SP100: variants seen among roughly 807,000 people sequenced by gnomAD.
SP100 encodes the protein SP100 nuclear body protein, also known as nuclear autoantigen Sp-100.
In SP100, 84 loss-of-function variants were observed where a neutral mutation model predicts 130.0. The observed-to-expected ratio is 0.65, with a 90% CI of 0.54 to 0.77. The LOEUF is 0.77. Ranked by LOEUF, SP100 falls within the 30% of genes least tolerant of loss-of-function variation. SP100 has a pLI of 0.00. For synonymous variants in SP100, 331 were observed against 351.7 expected, an observed-to-expected ratio of 0.94 and a Z score of 0.66; for missense variants, 978 against 1,052.2, an observed-to-expected ratio of 0.93 and a Z score of 0.97.
At chr2:230,541,149 C>G in intron 26 of SP100, 152 bp from the exon 27 acceptor site, 2 of 1,243,858 alleles carry the variant, frequency 1.6e-6, no homozygotes, top group Non-Finnish European at 2.3e-6. Flanking sequence ...AATTCATATT[C>G]CAAAGAAAAA....
intron 19 of SP100, among the ~76,000 whole-genome samples, chr2:230,501,994 G>A (rs919972459): frequency 1.9e-4 from 29 of 150,992 alleles, no homozygotes; most frequent in Non-Finnish European, 3.8e-4. Context: ...TCAGCCTCCC[G>A]AGTAGCTGGG....
Position 230,506,413 on chromosome 2 carries a change from T to C in SP100, c.1981T>C (p.Cys661Arg), listed in dbSNP as rs1690108619. The change falls in exon 22 of 29, where the codon TGC becomes CGC. Residue 661 changes from cysteine to arginine, a missense_variant. Coordinates refer to ENST00000340126, the MANE Select transcript of SP100 (RefSeq NM_001080391.2). ...CAAGAACTGGAAGCTAAGTATACGC[T>C]GCGGTGGATATACCCTGAAAGTCCT... ...ASKNWKLSIR[C>R]GGYTLKVLME... 3 of 1,613,964 alleles carry C rather than the reference T, an allele frequency of 1.9e-6. No individual in the cohort carries two copies. In the East Asian group the frequency reaches 6.7e-5, roughly 36 times the overall value.
intron 18 of SP100, 128 bp from the exon 19 acceptor site, chr2:230,498,333 G>A (rs879190180): frequency 6.7e-6 from 3 of 445,094 alleles, no homozygotes; most frequent in Non-Finnish European, 1.2e-5. Flanking sequence ...GCAAGGCTAT[G>A]TGTTACATAT....
intron 2 of SP100, among the ~76,000 whole-genome samples, chr2:230,432,816 A>AT (rs567613514): frequency 1.1e-4 from 16 of 152,112 alleles, no homozygotes; most frequent in Non-Finnish European, 1.9e-4. Context: ...TTTATGGTAT[A>AT]TTTGAGGCAC....
intron 10 of SP100, among the ~76,000 whole-genome samples, chr2:230,462,996 A>C (rs2064745943): frequency 6.6e-6 from 1 of 152,234 alleles, no homozygotes; most frequent in African/African-American, 2.4e-5. Flanking sequence ...ACCTGAGATA[A>C]AGTATTCTGA....
At chr2:230,432,986 A>G (rs904455038) in intron 2 of SP100, among the ~76,000 whole-genome samples, 4 of 152,020 alleles carry the variant, frequency 2.6e-5, no homozygotes, top group Admixed American at 2.0e-4. Context: ...CTACTGCATA[A>G]TTTGGGAAAC....
At position 230,541,410 on chromosome 2, in the gene SP100, T is replaced by C. The variant is rs143079335; in HGVS notation, c.2403+38T>C. 7.3e-4 allele frequency: 1,115 copies of C among 1,536,842 alleles called. 10 individuals are homozygous for C. In the African/African-American group the frequency reaches 0.014, roughly 19 times the overall value. On this transcript the variant is annotated intron_variant, in intron 27 of 28. Transcript: ENST00000340126. The stretch of plus-strand genomic sequence containing the variant: ...CAAACAAAAATGCTTATACTGGCAT[T>C]TGTCAAATCTGTGATCTGAATCCCA...
At chr2:230,508,324 T>TTC in intron 23 of SP100, 1 of 344,316 alleles carries the variant, frequency 2.9e-6, no homozygotes, top group Non-Finnish European at 5.1e-6. Flanking sequence ...TTTTTTTTTT[T>TTC]TTTTTTTAAG....
At chr2:230,517,343 T>G (rs113549749) in intron 24 of SP100, among the ~76,000 whole-genome samples, 16 of 152,358 alleles carry the variant, frequency 1.1e-4, no homozygotes, top group African/African-American at 3.6e-4. Context: ...ACCAGAGTTA[T>G]AATCAAAAGA....
intron 12 of SP100, 151 bp from the exon 13 acceptor site, chr2:230,466,969 C>A: frequency 1.7e-6 from 1 of 573,798 alleles, no homozygotes; most frequent in Non-Finnish European, 3.1e-6. Context: ...AATGAAAAGG[C>A]AGATCATGGA....
At chr2:230,429,678 A>C (rs913510348) in intron 2 of SP100, among the ~76,000 whole-genome samples, 14 of 151,796 alleles carry the variant, frequency 9.2e-5, no homozygotes, top group African/African-American at 3.4e-4. Context: ...CCTCTGAGTA[A>C]ATAATATCAA....
intron 4 of SP100, among the ~76,000 whole-genome samples, 167 bp from the exon 5 acceptor site, chr2:230,446,652 G>C (rs2063723890): frequency 6.6e-6 from 1 of 152,114 alleles, no homozygotes; most frequent in South Asian, 2.1e-4. Context: ...TCACTGTTGG[G>C]GTCTTCTCTT....
intron 17 of SP100, among the ~76,000 whole-genome samples, chr2:230,490,301 G>C (rs190169947): frequency 6.6e-6 from 1 of 152,106 alleles, no homozygotes; most frequent in African/African-American, 2.4e-5. Flanking sequence ...TTTTGTCAGA[G>C]ACTAGGATTG....
At chr2:230,508,210 C>T (rs1446905824) in intron 23 of SP100, 179 bp downstream of exon 23, 1 of 910,088 alleles carries the variant, frequency 1.1e-6, no homozygotes, top group East Asian at 3.0e-5. Flanking sequence ...CTCCTTTGAA[C>T]ATCAAAACGT....
chr2:230,511,155 G>A lies in SP100; in HGVS notation c.2083G>A (p.Val695Ile), dbSNP rs780946374. The change falls in exon 24 of 29, where the codon GTT (valine) becomes ATT (isoleucine). Residue 695 changes from valine (V) to isoleucine (I), a missense_variant. Coordinates refer to ENST00000340126, the MANE Select transcript of SP100 (RefSeq NM_001080391.2). ...RILESHNNTL[V>I]DPCPENSNIC... ...ACTGGAATCTCACAACAATACCTTA[G>A]TTGACCCTTGTGTAAGTATAAATTT... 1.2e-6 allele frequency: 2 copies of A among 1,608,516 alleles called. No individual in the cohort carries two copies. The highest frequency in any genetic ancestry group is 4.5e-5 in the East Asian group (2 of 44,860).
intron 17 of SP100, among the ~76,000 whole-genome samples, chr2:230,492,674 G>C (rs1367819618): frequency 2.0e-5 from 3 of 152,100 alleles, no homozygotes; most frequent in African/African-American, 7.2e-5. Context: ...ATTCTCATCT[G>C]TCACCCTACT....
At chr2:230,526,016 T>G (rs1456767344) in intron 24 of SP100, among the ~76,000 whole-genome samples, 1 of 152,222 alleles carries the variant, frequency 6.6e-6, no homozygotes, top group African/African-American at 2.4e-5. Context: ...TTCTGCAGAC[T>G]TAAACATCCC....
chr2:230,416,797 G>A (rs1049223745), intron 1 of SP100: 23 of 985,704 alleles, frequency 2.3e-5, no homozygotes, highest in African/African-American at 7.0e-5. Flanking sequence ...GGCCTCTGCC[G>A]GCTGTTCCCA....
In SP100 at chr2:230,540,862, GCCCC is replaced by G; in HGVS notation, c.2211-13_2211-10del. On this transcript the variant is annotated splice_polypyrimidine_tract_variant and intron_variant, in intron 25 of 28. Coordinates refer to ENST00000340126, the MANE Select transcript of SP100 (RefSeq NM_001080391.2). ...CAGAACCTGCCATTGCTCACTTTAT[GCCCC>G]ATCTCTCAGGAACCCGTGGAGTTGC... is the stretch of plus-strand genomic sequence containing the variant. 1.2e-6 allele frequency: 2 copies of G among 1,607,774 alleles called. No individual in the cohort carries two copies. The highest frequency in any genetic ancestry group is 1.7e-6 in the Non-Finnish European group (2 of 1,176,038).
Sources: allele counts gnomAD v4.1 joint callset (sites outside exome capture counted in the v4.1 genomes callset), GRCh38; gene constraint gnomAD v4.1.1; transcripts MANE v1.5; gene names NCBI Gene and HGNC (gene_info 2026-07-23, HGNC 2026-07-21).